KIFC3: variants seen among roughly 807,000 people sequenced by gnomAD.
KIFC3 encodes kinesin family member C3.
A neutral mutation model predicts 101.8 loss-of-function variants in KIFC3; 60 were observed. That is an observed-to-expected ratio of 0.59 (90% CI 0.48 to 0.73). KIFC3 has a LOEUF of 0.73. Ranked by LOEUF, KIFC3 falls within the 30% of genes least tolerant of loss-of-function variation. KIFC3 has a pLI of 0.00. For missense variants in KIFC3, 966 were observed against 1,137.1 expected, an observed-to-expected ratio of 0.85 and a Z score of 2.16; for synonymous variants, 476 against 482.7, an observed-to-expected ratio of 0.99 and a Z score of 0.18.
chr16:57,832,615 G>A lies in KIFC3; in HGVS notation c.108+30114C>T, dbSNP rs188265429. Among the ~76,000 whole-genome samples the A allele has an allele frequency of 1.4e-4, 22 of 152,112 alleles. No homozygotes were observed. The South Asian group carries it at 2.1e-3, about 14-fold the overall frequency. On this transcript the variant is annotated intron_variant, in intron 1 of 2. Coordinates refer to the KIFC3 transcript ENST00000563028. ...TAGACGTGAGCCACCGCGCCTGGCC[G>A]CAAGGTGAATTTTTTTTCTCCCAGC...
chr16:57,761,094 C>T lies in KIFC3; in HGVS notation c.1950G>A (p.Leu650=). ...LNEHSSRSHA[L]LIVTVRGVDC... ...CCACGCCTCGCACCGTCACGATGAG[C>T]AGCGCGTGCGAGCGGGAGCTGTGCT... The change falls in exon 15 of 20, where the codon CTG becomes CTA. Residue 650 remains leucine, a synonymous_variant. Transcript: ENST00000445690. 2 of 1,613,842 alleles carry T rather than the reference C, an allele frequency of 1.2e-6. No individual in the cohort carries two copies. Among genetic ancestry groups the T allele is most frequent in the East Asian group, 4.5e-5 (2 of 44,866 alleles).
chr16:57,773,285 C>T (rs373933817), intron 3 of KIFC3, among the ~76,000 whole-genome samples: 98 of 152,314 alleles, frequency 6.4e-4, no homozygotes, highest in African/African-American at 2.2e-3. Context: ...TAGGCAACAA[C>T]GTCCACTGAT....
At chr16:57,849,365 C>T (rs1712083107) in intron 1 of KIFC3, among the ~76,000 whole-genome samples, 1 of 152,178 alleles carries the variant, frequency 6.6e-6, no homozygotes, top group African/African-American at 2.4e-5. Context: ...AAACTTAACA[C>T]ACATCAGATC....
Position 57,765,571 on chromosome 16 carries a change from T to G in KIFC3, c.1400A>C (p.Asn467Thr), listed in dbSNP as rs201687671. 6.2e-7 allele frequency: 1 copy of G among 1,609,896 alleles called. No individual in the cohort carries two copies. The highest frequency in any genetic ancestry group is 8.5e-7 in the Non-Finnish European group (1 of 1,178,056). Residue 467 changes from asparagine to threonine, a missense_variant, in exon 11 of 20, where the codon AAT becomes ACT. Physicochemically the swap from Asn to Thr is moderately conservative, Grantham distance 65. This residue lies in a region of KIFC3 where 689 missense variants were observed against 884.6 expected (regional missense o/e 0.78). Transcript: ENST00000445690. ...GTCGTCGGCATCGAAAGTCACAGCA[T>G]TGGTGGCCTCAGGTCCTTCCCCATC... is the stretch of plus-strand genomic sequence containing the variant. ...KEDGEGPEAT[N>T]AVTFDADDDS...
At chr16:57,852,455 A>C (rs2056077952) in intron 1 of KIFC3, among the ~76,000 whole-genome samples, 1 of 152,148 alleles carries the variant, frequency 6.6e-6, no homozygotes, top group Non-Finnish European at 1.5e-5. Context: ...GTTCTGAGTG[A>C]GTTTCACATC....
intron 3 of KIFC3, among the ~76,000 whole-genome samples, chr16:57,793,322 C>T (rs2054033712): frequency 7.5e-6 from 1 of 133,356 alleles, no homozygotes; most frequent in Non-Finnish European, 1.6e-5. Context: ...GCTGGGTGCA[C>T]TGGCTCACAC....
intron 1 of KIFC3, chr16:57,816,802 A>G (rs1224771054): frequency 2.2e-6 from 1 of 455,340 alleles, no homozygotes; most frequent in Non-Finnish European, 4.4e-6. Context: ...GGAAACCAAG[A>G]CCAGGGAACC....
intron 1 of KIFC3, among the ~76,000 whole-genome samples, chr16:57,822,696 C>T (rs1275376766): frequency 6.6e-6 from 1 of 151,654 alleles, no homozygotes; most frequent in East Asian, 1.9e-4. Flanking sequence ...GACTCCATCT[C>T]AAAAAATAAA....
intron 1 of KIFC3, among the ~76,000 whole-genome samples, chr16:57,862,048 G>T (rs1180914491): frequency 1.3e-5 from 2 of 152,090 alleles, no homozygotes; most frequent in African/African-American, 4.8e-5. Flanking sequence ...GATCATCAAA[G>T]AACAAGGATG....
intron 1 of KIFC3, among the ~76,000 whole-genome samples, chr16:57,847,986 A>G (rs1401679145): frequency 2.6e-5 from 4 of 152,148 alleles, no homozygotes; most frequent in African/African-American, 9.6e-5. Flanking sequence ...GGGTTTCACC[A>G]TGTTGGCCAG....
In KIFC3 at chr16:57,760,391, C is replaced by T; in HGVS notation, c.2258G>A (p.Ser753Asn). 3.1e-6 allele frequency: 5 copies of T among 1,613,916 alleles called. No individual in the cohort carries two copies. The highest frequency in any genetic ancestry group is 4.2e-6 in the Non-Finnish European group (5 of 1,179,976). ...VQVSPVEKNT[S>N]ETLYSLKFAE... ...AAACTTGAGGGAATAGAGCGTCTCG[C>T]TAGTGTTCTTCTCCACGGGGGACAC... Residue 753 changes from serine (S) to asparagine (N), a missense_variant, in exon 17 of 20, where the codon AGC becomes AAC. Transcript: ENST00000445690.
intron 3 of KIFC3, among the ~76,000 whole-genome samples, chr16:57,778,335 C>T (rs1012023898): frequency 9.2e-5 from 14 of 152,160 alleles, no homozygotes; most frequent in Admixed American, 7.9e-4. Flanking sequence ...AACTATAAAA[C>T]TCTCAGAAGA....
chr16:57,797,162 T>C (rs2054395004), intron 2 of KIFC3, among the ~76,000 whole-genome samples: 1 of 152,216 alleles, frequency 6.6e-6, no homozygotes, highest in African/African-American at 2.4e-5. Context: ...CTGTGTGCCC[T>C]CTCTGGGCCT....
intron 3 of KIFC3, chr16:57,776,267 CG>C (rs2052068188): frequency 2.0e-6 from 2 of 985,454 alleles, no homozygotes; most frequent in African/African-American, 1.7e-5. Context: ...CAGAGGCCAG[CG>C]GGGCGGCCCT....
chr16:57,787,396 C>A (rs1214069038), intron 3 of KIFC3, among the ~76,000 whole-genome samples: 1 of 152,256 alleles, frequency 6.6e-6, no homozygotes, highest in Non-Finnish European at 1.5e-5. Context: ...CCCAGCTCAT[C>A]CAGAACACTG....
chr16:57,764,235 C>A lies in KIFC3; in HGVS notation c.1525G>T (p.Val509Leu). 5 of 1,609,186 alleles carry A rather than the reference C, an allele frequency of 3.1e-6. No homozygotes were observed. The highest frequency in any genetic ancestry group is 4.2e-6 in the Non-Finnish European group (5 of 1,177,782). The change falls in exon 12 of 20, where the codon GTG becomes TTG. Residue 509 changes from valine to leucine, a missense_variant. Val to Leu is a conservative substitution (Grantham distance 32). Transcript: ENST00000445690. ...QASQQDVFQE[V>L]QALVTSCIDG... is the part of the protein sequence containing the mutation. ...ATGCAAGAGGTGACCAGGGCCTGCA[C>A]CTCCTGGAACACCTGGGAGGGTGGT...
At position 57,850,465 on chromosome 16, in the gene KIFC3, G is replaced by GTTTTTT. The variant is rs373157438; in HGVS notation, c.108+12258_108+12263dup. Reference sequence around the variant, plus strand: ...TAAATAAAAATAAATTTTAAAAAGGGTTTTTTTTTTTTTTTTTTTTTTTTG... The same window carrying GTTTTTT: ...TAAATAAAAATAAATTTTAAAAAGGGTTTTTTTTTTTTTTTTTTTTTTTTTTTTTTG... On this transcript the variant is annotated intron_variant, in intron 1 of 2. Coordinates refer to the KIFC3 transcript ENST00000563028. Among the ~76,000 whole-genome samples the GTTTTTT allele has an allele frequency of 9.5e-4, 80 of 84,094 alleles. 2 individuals are homozygous for GTTTTTT. The highest frequency in any genetic ancestry group is 1.5e-3 in the African/African-American group (31 of 20,444). The allele number at this position is 84,094 out of a possible 152,430, so 55.2% of individuals were successfully genotyped here.
intron 1 of KIFC3, among the ~76,000 whole-genome samples, chr16:57,853,144 C>T (rs1376817147): frequency 6.6e-6 from 1 of 152,050 alleles, no homozygotes; most frequent in African/African-American, 2.4e-5. Context: ...TCTGCCCGGG[C>T]GCGGTGGCTC....
Position 57,819,430 on chromosome 16 carries a change from A to G in KIFC3, c.109-21148T>C, listed in dbSNP as rs533139310. On this transcript the variant is annotated intron_variant, in intron 1 of 2. Transcript: ENST00000563028. ...TACATGACTTGGCGCAAGCAGGAGG[A>G]TTGGACTCCGAGATATCTCCTGTTT... Among the ~76,000 whole-genome samples, 50 of 152,316 alleles carry G rather than the reference A, an allele frequency of 3.3e-4. No individual in the cohort carries two copies. The South Asian group carries it at 9.3e-3, about 28-fold the overall frequency.
Sources: allele counts gnomAD v4.1 joint callset (sites outside exome capture counted in the v4.1 genomes callset), GRCh38; gene constraint gnomAD v4.1.1; regional missense constraint gnomAD v4.1.1; transcripts MANE v1.5; gene names NCBI Gene and HGNC (gene_info 2026-07-23, HGNC 2026-07-21).